Variants in CNTNAP3B observed in about 807,000 individuals in gnomAD.
CNTNAP3B encodes contactin associated protein family member 3B, also known as contactin-associated protein-like 3B.
A neutral mutation model predicts 108.9 loss-of-function variants in CNTNAP3B; 25 were observed. That is an observed-to-expected ratio of 0.23 (90% CI 0.17 to 0.32). The LOEUF (loss-of-function observed/expected upper bound fraction) is 0.32, where lower values mean the gene tolerates loss of function less well. Among genes scored for constraint, CNTNAP3B ranks in the 10% least tolerant of loss-of-function variants. The probability of loss-of-function intolerance (pLI) is 1.00; values close to 1 mark genes in which losing one functional copy is unlikely to be tolerated. For synonymous variants in CNTNAP3B, 103 were observed against 473.4 expected (o/e 0.22, Z 10.16); for missense variants, 252 against 1,210.4 (o/e 0.21, Z 11.75).
intron 14 of CNTNAP3B, among the ~76,000 whole-genome samples, chr9:41,936,438 A>C (rs2118045143): frequency 1.3e-5 from 2 of 152,360 alleles, no homozygotes; most frequent in East Asian, 3.9e-4. Flanking sequence ...AGGTCTTCTG[A>C]ACAGCCAGGA....
chr9:41,986,263 T>C lies in CNTNAP3B; in HGVS notation c.1382A>G (p.Lys461Arg), dbSNP rs1486406942. 6 of 1,095,024 alleles carry C rather than the reference T, an allele frequency of 5.5e-6. 2 individuals carry two copies. The highest frequency in any genetic ancestry group is 2.9e-5 in the South Asian group (2 of 69,086). The allele number at this position is 1,095,024 out of a possible 1,614,324, so 67.8% of individuals were successfully genotyped here. A position where few individuals can be genotyped will look rare whatever the true frequency, so the allele number is the denominator to read the frequency against. Reference sequence around the variant, plus strand: ...CACCACCACATTCATATGGCTCCACTTGGCAGAGAAGGATACAGAGTGCCA... The same window carrying C: ...CACCACCACATTCATATGGCTCCACCTGGCAGAGAAGGATACAGAGTGCCA... ...GQWHSVSFSA[K>R]WSHMNVVVDD... Residue 461 changes from lysine (K) to arginine (R), a missense_variant, in exon 9 of 24, where the codon AAG becomes AGG. Transcript: ENST00000377561.
At chr9:42,049,527 G>T (rs1268499216) in intron 3 of CNTNAP3B, among the ~76,000 whole-genome samples, 1 of 134,086 alleles carries the variant, frequency 7.5e-6, no homozygotes, top group Non-Finnish European at 1.6e-5. Context: ...ACTATTGCTG[G>T]GGAAAACCCC....
At chr9:42,097,382 G>T (rs1226744344) in intron 2 of CNTNAP3B, among the ~76,000 whole-genome samples, 3 of 139,648 alleles carry the variant, frequency 2.1e-5, no homozygotes, top group South Asian at 2.3e-4. Context: ...TTTACCCCAG[G>T]TTAATAAAGA....
At chr9:41,945,507 A>G (rs1274563291) in intron 13 of CNTNAP3B, among the ~76,000 whole-genome samples, 2 of 152,310 alleles carry the variant, frequency 1.3e-5, no homozygotes, top group Non-Finnish European at 1.5e-5. Context: ...TCAGCAAACT[A>G]TCGCAAGGAC....
At position 41,953,128 on chromosome 9, in the gene CNTNAP3B, C is replaced by A. The variant is rs1290642033; in HGVS notation, c.2080+55G>T. 8.9e-6 allele frequency: 13 copies of A among 1,458,048 alleles called. No individual in the cohort carries two copies. The African/African-American group carries it at 1.0e-4, about 12-fold the overall frequency. 90.3% of individuals were successfully genotyped at this position (1,458,048 alleles called of 1,614,324 possible). A position where few individuals can be genotyped will look rare whatever the true frequency, so the allele number is the denominator to read the frequency against. On this transcript the variant is annotated intron_variant, in intron 13 of 23. Transcript: ENST00000377561. ...TCTCCCTCAAAGGCATCTCGCAGCC[C>A]GAGGGCCGCGCCCCGGCCTCGTGAG...
At chr9:41,926,714 C>G (rs1474267493) in intron 15 of CNTNAP3B, 5 of 152,428 alleles carry the variant, frequency 3.3e-5, no homozygotes, top group African/African-American at 1.2e-4. Flanking sequence ...ATCTCAGTCT[C>G]CCAAAAAGAG....
At chr9:41,964,734 G>T in intron 10 of CNTNAP3B, 90 bp from the exon 11 acceptor site, 3 of 1,521,182 alleles carry the variant, frequency 2.0e-6, no homozygotes, top group Non-Finnish European at 2.6e-6. Context: ...TGAAAGGCCA[G>T]CATACGCAAG....
rs1238505943 is a variant in CNTNAP3B, at chr9:42,097,730, TGGCAGTG to T, written c.196+6892_196+6898del. ...ATTTACTAGACCACCTTCTTACGTA[TGGCAGTG>T]GGCATTAGGTGGCTTGTGAATTTGA... On this transcript the variant is annotated intron_variant, in intron 2 of 23. Coordinates refer to ENST00000377561, the MANE Select transcript of CNTNAP3B (RefSeq NM_001201380.3). Among the ~76,000 whole-genome samples the T allele has an allele frequency of 4.4e-5, 6 of 136,068 alleles. 2 individuals carry two copies. Among genetic ancestry groups the T allele is most frequent in the Non-Finnish European group, 7.8e-5 (5 of 64,014 alleles). The allele number at this position is 136,068 out of a possible 152,430, so 89.3% of individuals were successfully genotyped here. A position where few individuals can be genotyped will look rare whatever the true frequency, so the allele number is the denominator to read the frequency against.
At chr9:41,955,005 A>C (rs2118161983) in intron 12 of CNTNAP3B, among the ~76,000 whole-genome samples, 1 of 151,182 alleles carries the variant, frequency 6.6e-6, no homozygotes, top group East Asian at 1.9e-4. Flanking sequence ...AATTTTTACA[A>C]CCTGGTGTTA....
intron 14 of CNTNAP3B, among the ~76,000 whole-genome samples, chr9:41,934,833 A>G (rs1824105798): frequency 3.3e-5 from 5 of 152,278 alleles, no homozygotes; most frequent in African/African-American, 1.2e-4. Context: ...ACTCGTATTT[A>G]TTATGATTAT....
intron 13 of CNTNAP3B, among the ~76,000 whole-genome samples, chr9:41,943,043 C>A (rs1343390050): frequency 6.6e-6 from 1 of 152,260 alleles, no homozygotes; most frequent in Non-Finnish European, 1.5e-5. Context: ...TTGGAAATAT[C>A]AGATAAGGAA....
At chr9:41,934,597 TTAGA>T (rs1412752461) in intron 14 of CNTNAP3B, among the ~76,000 whole-genome samples, 12 of 152,412 alleles carry the variant, frequency 7.9e-5, no homozygotes, top group African/African-American at 1.2e-4. Flanking sequence ...TATCTCAGCA[TTAGA>T]TAGAGTTCAA....
intron 3 of CNTNAP3B, among the ~76,000 whole-genome samples, chr9:42,018,399 A>G (rs988539076): frequency 7.2e-6 from 1 of 139,342 alleles, no homozygotes; most frequent in Non-Finnish European, 1.5e-5. Context: ...TCATTCCTTC[A>G]TGATTCCTCA....
At position 42,018,827 on chromosome 9, in the gene CNTNAP3B, G is replaced by A. The variant is rs532021428; in HGVS notation, c.391-5302C>T. Among the ~76,000 whole-genome samples the A allele has an allele frequency of 3.3e-5, 5 of 152,000 alleles. No homozygotes were observed. The South Asian group carries it at 1.0e-3, about 32-fold the overall frequency. The stretch of plus-strand genomic sequence containing the variant: ...TGGGCAAGATACTCAACCATGCGGA[G>A]CCTTCCCCTCTGAACACTGGGGAGA... On this transcript the variant is annotated intron_variant, in intron 3 of 23. Transcript: ENST00000377561.
chr9:42,099,899 G>T (rs1369832228), intron 2 of CNTNAP3B, among the ~76,000 whole-genome samples: 1 of 30,436 alleles, frequency 3.3e-5, no homozygotes, highest in Non-Finnish European at 7.6e-5. Flanking sequence ...TCTTTTTCAT[G>T]TTTTTCACAC....
chr9:42,124,217 A>G (rs1294085661), intron 1 of CNTNAP3B, among the ~76,000 whole-genome samples: 2 of 133,992 alleles, frequency 1.5e-5, no homozygotes, highest in African/African-American at 3.0e-5. Flanking sequence ...AAAAATGTTC[A>G]TTAACTGGAA....
chr9:41,930,543 A>C (rs1343030496), intron 14 of CNTNAP3B, among the ~76,000 whole-genome samples: 1 of 151,602 alleles, frequency 6.6e-6, no homozygotes, highest in Non-Finnish European at 1.5e-5. Context: ...ACCCTGTCTC[A>C]AAAAATACAA....
intron 3 of CNTNAP3B, among the ~76,000 whole-genome samples, chr9:42,071,833 G>C (rs1827384048): frequency 6.8e-6 from 1 of 148,012 alleles, no homozygotes; most frequent in Non-Finnish European, 1.5e-5. Context: ...GAAGTCATTG[G>C]TAACTCCACG....
chr9:42,094,909 T>C (rs1344943068), intron 2 of CNTNAP3B, among the ~76,000 whole-genome samples: 2 of 134,808 alleles, frequency 1.5e-5, no homozygotes, highest in South Asian at 5.0e-4. Context: ...TGATGAATAA[T>C]AATTGTACAT....
Sources: gnomAD v4.1 joint callset for allele counts (sites outside exome capture counted in the v4.1 genomes callset) on GRCh38, gnomAD v4.1.1 for gene constraint, MANE v1.5 for transcripts, NCBI Gene and HGNC (gene_info 2026-07-23, HGNC 2026-07-21) for gene names.